Variants in RUVBL1 observed in about 807,000 individuals in gnomAD.
RUVBL1 encodes RuvB like AAA ATPase 1.
Under a neutral mutation model 52.4 loss-of-function variants are expected in RUVBL1, and 4 were observed. The ratio of observed to expected loss-of-function variants is 0.08; its 90% CI spans 0.04 to 0.17. The LOEUF (loss-of-function observed/expected upper bound fraction) is 0.17. Ranked by LOEUF, RUVBL1 falls within the 10% of genes least tolerant of loss-of-function variation. The pLI is 1.00. For missense variants in RUVBL1, 298 were observed against 572.8 expected (o/e 0.52, Z 4.90); for synonymous variants, 217 against 214.4 (o/e 1.01, Z -0.10).
chr3:128,153,185 C>G, intron 1 of RUVBL1: 1 of 1,261,784 alleles, frequency 7.9e-7, no homozygotes, highest in Non-Finnish European at 1.0e-6. Context: ...TAGAAAAGTT[C>G]TCCAAGTCTC....
rs1943707280 is a variant in RUVBL1, at chr3:128,123,477, G to A, written c.141+107C>T. 11 of 1,261,250 alleles carry A rather than the reference G, an allele frequency of 8.7e-6. No individual in the cohort carries two copies. The South Asian group carries it at 1.4e-4, about 16-fold the overall frequency. 78.1% of individuals were successfully genotyped at this position (1,261,250 alleles called of 1,614,324 possible). ...TTCACTTCCCTGAGGAAATAATGGC[G>A]GGAGACCCCTGGCGCGCGCATCCCG... On this transcript the variant is annotated intron_variant, in intron 1 of 10. Transcript: ENST00000322623.
At chr3:128,148,032 T>C (rs374625709) in intron 1 of RUVBL1, among the ~76,000 whole-genome samples, 7 of 152,312 alleles carry the variant, frequency 4.6e-5, no homozygotes, top group African/African-American at 1.7e-4. Flanking sequence ...TTATATGATG[T>C]TCTGGAAAAG....
chr3:128,076,485 CG>C (rs897184113), downstream of RUVBL1, among the ~76,000 whole-genome samples: 1 of 152,174 alleles, frequency 6.6e-6, no homozygotes, highest in Non-Finnish European at 1.5e-5. This position sits in a 1 kb window ranked among gnomAD's most constrained non-coding sequence, Gnocchi z 6.8. Flanking sequence ...GGTTTTGGGT[CG>C]GGGTCCTGAC....
intron 9 of RUVBL1, chr3:128,066,617 TCTGA>T (rs1284273621): frequency 6.7e-6 from 2 of 297,716 alleles, no homozygotes; most frequent in Non-Finnish European, 1.3e-5. Flanking sequence ...AGAGACGGAG[TCTGA>T]CTGTGTTGCC....
At chr3:128,153,019 C>G (rs1259602711) in intron 1 of RUVBL1, among the ~76,000 whole-genome samples, 1 of 93,766 alleles carries the variant, frequency 1.1e-5, no homozygotes, top group South Asian at 4.6e-4. Context: ...TTCGCCCCCC[C>G]ATGTTCCGTT....
chr3:128,081,474 A>C lies in RUVBL1; in HGVS notation c.1212-65T>G. 1 of 1,522,706 alleles carries C rather than the reference A, an allele frequency of 6.6e-7. No individual in the cohort carries two copies. Among genetic ancestry groups the C allele is most frequent in the Non-Finnish European group, 9.0e-7 (1 of 1,117,052 alleles). The allele number at this position is 1,522,706 out of a possible 1,614,324, so 94.3% of individuals were successfully genotyped here. On this transcript the variant is annotated intron_variant, in intron 10 of 10. Coordinates refer to ENST00000322623, the MANE Select transcript of RUVBL1 (RefSeq NM_003707.3). This position sits in a 1 kb window ranked among gnomAD's most constrained non-coding sequence, Gnocchi z 4.8. ...CCACCGAAGAAAGCACCTTCCCCCC[A>C]CATCAGTAGGCAGCACTGGCACCAG...
chr3:128,103,695 CAT>C (rs1943159789), intron 4 of RUVBL1, among the ~76,000 whole-genome samples: 1 of 152,192 alleles, frequency 6.6e-6, no homozygotes, highest in South Asian at 2.1e-4. Flanking sequence ...AGCTCTGCCA[CAT>C]GACTGGCTGG....
At chr3:128,139,860 C>T (rs975160070) in intron 1 of RUVBL1, among the ~76,000 whole-genome samples, 3 of 151,832 alleles carry the variant, frequency 2.0e-5, no homozygotes, top group Non-Finnish European at 2.9e-5. Context: ...ATAGGGAGTA[C>T]AATAATGGTT....
upstream of RUVBL1, among the ~76,000 whole-genome samples, chr3:128,125,510 C>T (rs1406412320): frequency 6.6e-6 from 1 of 152,188 alleles, no homozygotes; most frequent in Non-Finnish European, 1.5e-5. Flanking sequence ...AAGTGCCTGG[C>T]ACACAGCCTA....
At chr3:128,110,876 ACATATTTTTTAGCTAAAGACTTCTGTTTT>A (rs1265758061) in intron 3 of RUVBL1, among the ~76,000 whole-genome samples, 1 of 152,108 alleles carries the variant, frequency 6.6e-6, no homozygotes, top group Non-Finnish European at 1.5e-5. Flanking sequence ...TATAGCCCAG[ACATATTTTTTAGCTAAAGACTTCTGTTTT>A]CATATTTTTT....
At chr3:128,065,423 C>G (rs1424143850) in intron 9 of RUVBL1, among the ~76,000 whole-genome samples, 1 of 152,190 alleles carries the variant, frequency 6.6e-6, no homozygotes, top group African/African-American at 2.4e-5. Context: ...CGGAAACGGC[C>G]TATCTTCTTA....
At chr3:128,069,596 C>T (rs1403553031) in intron 9 of RUVBL1, 1 of 1,614,026 alleles carries the variant, frequency 6.2e-7, no homozygotes, top group East Asian at 2.2e-5. Context: ...CAATCATCTA[C>T]CAGTACTTTG....
chr3:128,129,244 T>A (rs1943840271), intron 1 of RUVBL1, among the ~76,000 whole-genome samples: 1 of 152,190 alleles, frequency 6.6e-6, no homozygotes, highest in South Asian at 2.1e-4. Context: ...GGAATAAAAC[T>A]TGAAATCAAT....
At chr3:128,107,441 C>G (rs1049680340) in intron 3 of RUVBL1, among the ~76,000 whole-genome samples, 1 of 152,236 alleles carries the variant, frequency 6.6e-6, no homozygotes, top group African/African-American at 2.4e-5. Flanking sequence ...AAGCTACCTC[C>G]GTTCTGATAT....
intron 8 of RUVBL1, among the ~76,000 whole-genome samples, chr3:128,094,595 A>G (rs1200213830): frequency 6.6e-6 from 1 of 152,196 alleles, no homozygotes; most frequent in Admixed American, 6.5e-5. Flanking sequence ...TTTCTAGCCT[A>G]TGGCCTGGGC....
At chr3:128,149,040 C>T (rs1355249627) in intron 1 of RUVBL1, among the ~76,000 whole-genome samples, 1 of 151,980 alleles carries the variant, frequency 6.6e-6, no homozygotes, top group Non-Finnish European at 1.5e-5. Context: ...GTCTAGACTG[C>T]CACACACTCT....
At chr3:128,086,446 G>C (rs1942648194) in intron 9 of RUVBL1, among the ~76,000 whole-genome samples, 1 of 152,248 alleles carries the variant, frequency 6.6e-6, no homozygotes, top group Non-Finnish European at 1.5e-5. Flanking sequence ...ACAAGGTCCA[G>C]GCAAAGCGCA....
chr3:128,087,204 TC>T (rs1307573503), intron 9 of RUVBL1, among the ~76,000 whole-genome samples: 14 of 152,238 alleles, frequency 9.2e-5, no homozygotes, highest in African/African-American at 3.1e-4. Flanking sequence ...ACTGGCCTCT[TC>T]CAGGTCAGGG....
At chr3:128,137,137 T>C (rs994435891) in intron 1 of RUVBL1, among the ~76,000 whole-genome samples, 1 of 152,072 alleles carries the variant, frequency 6.6e-6, no homozygotes, top group Non-Finnish European at 1.5e-5. Flanking sequence ...AATAACTTAC[T>C]GGTGCATCTT....
Sources: allele counts gnomAD v4.1 joint callset (sites outside exome capture counted in the v4.1 genomes callset), GRCh38; gene constraint gnomAD v4.1.1; non-coding constraint Gnocchi (gnomAD v3.1); transcripts MANE v1.5; gene names NCBI Gene and HGNC (gene_info 2026-07-23, HGNC 2026-07-21).